Variants in ATRNL1 observed in about 807,000 individuals in gnomAD.
ATRNL1 encodes attractin like 1.
Under a neutral mutation model 182.7 loss-of-function variants are expected in ATRNL1, and 95 were observed. The observed-to-expected ratio is 0.52, with a 90% CI of 0.44 to 0.62. ATRNL1 has a LOEUF of 0.62. Among genes scored for constraint, ATRNL1 ranks in the 20% least tolerant of loss-of-function variants. The pLI is 0.00. For missense variants in ATRNL1, 1,471 were observed against 1,679.5 expected (o/e 0.88, Z 2.17); for synonymous variants, 576 against 568.3 (o/e 1.01, Z -0.19).
At chr10:115,467,071 T>G (rs1427577302) in intron 22 of ATRNL1, 103 bp from the exon 23 acceptor site, 4 of 650,014 alleles carry the variant, frequency 6.2e-6, no homozygotes, top group Non-Finnish European at 1.1e-5. Context: ...ACAAAATCTA[T>G]AGAGTTTAAG....
At chr10:115,713,713 T>TATCTATCTATC (rs1947155695) in intron 26 of ATRNL1, among the ~76,000 whole-genome samples, 6 of 89,726 alleles carry the variant, frequency 6.7e-5, no homozygotes, top group African/African-American at 1.4e-4. Flanking sequence ...ATCATCTATC[T>TATCTATCTATC]ATCTATCTAT....
intron 24 of ATRNL1, among the ~76,000 whole-genome samples, chr10:115,480,835 G>A (rs185579403): frequency 3.0e-4 from 46 of 151,076 alleles, no homozygotes; most frequent in Non-Finnish European, 2.2e-4. Flanking sequence ...TATGCAAAAT[G>A]CTCTTATCTA....
At chr10:115,714,596 C>G (rs1947190487) in intron 26 of ATRNL1, among the ~76,000 whole-genome samples, 1 of 151,988 alleles carries the variant, frequency 6.6e-6, no homozygotes. Flanking sequence ...GTTCAGAATC[C>G]CAAGCGGATG....
chr10:115,494,361 C>T lies in ATRNL1; in HGVS notation c.3655-24902C>T, dbSNP rs962195128. Among the ~76,000 whole-genome samples the T allele has an allele frequency of 2.0e-5, 3 of 152,242 alleles. No homozygotes were observed. In the South Asian group the frequency reaches 6.2e-4, roughly 32 times the overall value. The stretch of plus-strand genomic sequence containing the variant: ...TGCCTGATTGCTGTGGCCAGGACTT[C>T]CAGTACTGTGTCGAACAGGAGTGGT... On this transcript the variant is annotated intron_variant, in intron 24 of 28. Transcript: ENST00000355044.
At chr10:115,912,300 TAAAC>T (rs1221111676) in intron 28 of ATRNL1, among the ~76,000 whole-genome samples, 2 of 152,130 alleles carry the variant, frequency 1.3e-5, no homozygotes, top group South Asian at 2.1e-4. Context: ...GAGCACTTGA[TAAAC>T]AAACTAATGA....
At chr10:115,702,291 G>A (rs1275168171) in intron 26 of ATRNL1, among the ~76,000 whole-genome samples, 2 of 151,974 alleles carry the variant, frequency 1.3e-5, no homozygotes, top group East Asian at 3.8e-4. Context: ...AGCCATCTTT[G>A]ACAAACCCAC....
intron 27 of ATRNL1, among the ~76,000 whole-genome samples, chr10:115,814,790 G>C (rs1555088025): frequency 2.0e-5 from 3 of 152,122 alleles, no homozygotes; most frequent in African/African-American, 7.2e-5. Context: ...TTAGTCATGA[G>C]ACCTGAGTTT....
chr10:115,572,570 A>G (rs1292688391), intron 26 of ATRNL1, among the ~76,000 whole-genome samples: 1 of 152,130 alleles, frequency 6.6e-6, no homozygotes, highest in Non-Finnish European at 1.5e-5. Flanking sequence ...AGTCAAGAGC[A>G]TCACTTGAGG....
At chr10:115,157,137 T>C (rs909628554) in intron 5 of ATRNL1, among the ~76,000 whole-genome samples, 1 of 152,148 alleles carries the variant, frequency 6.6e-6, no homozygotes, top group East Asian at 1.9e-4. Flanking sequence ...GCAACAGATA[T>C]CCTAATTACC....
Position 115,947,226 on chromosome 10 carries a change from C to T in ATRNL1, c.*2447C>T, listed in dbSNP as rs941394874. 2 of 152,578 alleles carry T rather than the reference C, an allele frequency of 1.3e-5. No homozygotes were observed. The highest frequency in any genetic ancestry group is 4.8e-5 in the African/African-American group (2 of 41,454). The allele number at this position is 152,578 out of a possible 1,614,324, so 9.5% of individuals were successfully genotyped here. A position where few individuals can be genotyped will look rare whatever the true frequency, so the allele number is the denominator to read the frequency against. ...TTGAATCTGTTGGTTTTTCCCCCTA[C>T]ATTCCAGACACTTTAAATTTGGATG... is the stretch of plus-strand genomic sequence containing the variant. On this transcript the variant is annotated 3_prime_UTR_variant, in exon 29 of 29. Transcript: ENST00000355044.
chr10:115,926,695 C>G (rs1555120335), intron 28 of ATRNL1, among the ~76,000 whole-genome samples: 2 of 152,030 alleles, frequency 1.3e-5, no homozygotes, highest in East Asian at 3.9e-4. Flanking sequence ...ATACACCTTC[C>G]CAAGACTAAA....
intron 28 of ATRNL1, among the ~76,000 whole-genome samples, chr10:115,899,377 C>T (rs1358784144): frequency 2.6e-5 from 4 of 152,096 alleles, no homozygotes; most frequent in Admixed American, 1.3e-4. Context: ...GGCATGATCT[C>T]GGCTCACCGC....
chr10:115,114,893 G>A (rs1236534571), intron 1 of ATRNL1, among the ~76,000 whole-genome samples: 1 of 151,924 alleles, frequency 6.6e-6, no homozygotes, highest in African/African-American at 2.4e-5. Flanking sequence ...TATATCCAAA[G>A]GAATTGGAAT....
chr10:115,270,411 TATA>T (rs1851808445), intron 13 of ATRNL1, among the ~76,000 whole-genome samples: 2 of 143,966 alleles, frequency 1.4e-5, no homozygotes, highest in African/African-American at 2.5e-5. Context: ...TATATATAAA[TATA>T]ATATATATTT....
At chr10:115,436,121 A>C (rs1388710936) in intron 21 of ATRNL1, among the ~76,000 whole-genome samples, 2 of 152,158 alleles carry the variant, frequency 1.3e-5, no homozygotes, top group African/African-American at 4.8e-5. Flanking sequence ...TATATCACTG[A>C]AAAACTTTAA....
At chr10:115,369,909 G>T (rs1554947503) in intron 19 of ATRNL1, among the ~76,000 whole-genome samples, 1 of 152,108 alleles carries the variant, frequency 6.6e-6, no homozygotes, top group African/African-American at 2.4e-5. Context: ...ATATGGTTTG[G>T]CCATGTCCCC....
At chr10:115,338,083 G>A (rs115132238) in intron 19 of ATRNL1, among the ~76,000 whole-genome samples, 1,969 of 152,214 alleles carry the variant, frequency 0.013, 38 homozygotes, top group African/African-American at 0.044. Context: ...CTGTGCAGCC[G>A]GTTCCTGACA....
In ATRNL1 at chr10:115,187,925, C is replaced by T. The variant is rs111233165; in HGVS notation, c.1348+16633C>T. ...TTGATCTCCTGATCTCATGATCCAC[C>T]CACCTCGGTCTCCCAAAGTGCTGGG... On this transcript the variant is annotated intron_variant, in intron 8 of 28. Transcript: ENST00000355044. 7.7e-3 allele frequency among the ~76,000 whole-genome samples: 1,172 copies of T among 151,774 alleles called. 6 individuals are homozygous for T. The highest frequency in any genetic ancestry group is 0.013 in the Admixed American group (198 of 15,216).
chr10:115,315,266 T>C (rs1854238398), intron 17 of ATRNL1, among the ~76,000 whole-genome samples: 1 of 152,176 alleles, frequency 6.6e-6, no homozygotes, highest in African/African-American at 2.4e-5. Context: ...GATTTTATTT[T>C]TCTCCATGTC....
Sources: allele counts gnomAD v4.1 joint callset (sites outside exome capture counted in the v4.1 genomes callset), GRCh38; gene constraint gnomAD v4.1.1; transcripts MANE v1.5; gene names NCBI Gene and HGNC (gene_info 2026-07-23, HGNC 2026-07-21).